Variants in LRRFIP1 observed in about 807,000 individuals in gnomAD.
LRRFIP1 encodes leucine-rich repeat flightless-interacting protein 1.
In LRRFIP1, 62 loss-of-function variants were observed where a neutral mutation model predicts 104.4. The observed-to-expected ratio is 0.59, with a 90% confidence interval of 0.48 to 0.73. The LOEUF is 0.73. Ranked by LOEUF, LRRFIP1 falls within the 30% of genes least tolerant of loss-of-function variation. The pLI, the probability that LRRFIP1 is intolerant of heterozygous loss-of-function variation, is 0.00. For synonymous variants in LRRFIP1, 300 were observed against 299.0 expected (o/e 1.00, Z -0.03); for missense variants, 796 against 824.5 (o/e 0.97, Z 0.42).
chr2:237,729,541 C>A (rs1020880943), intron 8 of LRRFIP1, among the ~76,000 whole-genome samples: 6 of 152,190 alleles, frequency 3.9e-5, no homozygotes, highest in African/African-American at 1.2e-4. Flanking sequence ...ACTAGATACA[C>A]CCCTGGCATC....
chr2:237,698,499 T>C (rs896591974), intron 1 of LRRFIP1, among the ~76,000 whole-genome samples: 2 of 152,260 alleles, frequency 1.3e-5, no homozygotes, highest in African/African-American at 4.8e-5. Context: ...CTTGGACTTG[T>C]CTGCCAGGTC....
At chr2:237,693,757 C>T (rs984071099) in intron 1 of LRRFIP1, among the ~76,000 whole-genome samples, 1 of 152,094 alleles carries the variant, frequency 6.6e-6, no homozygotes, top group African/African-American at 2.4e-5. Context: ...ACTTAGAGTC[C>T]TTGGAGAAGG....
chr2:237,667,459 A>G (rs1321873830), intron 1 of LRRFIP1, among the ~76,000 whole-genome samples: 1 of 152,158 alleles, frequency 6.6e-6, no homozygotes, highest in Admixed American at 6.5e-5. Context: ...TCTATCATTG[A>G]TGGGCATTTG....
intron 11 of LRRFIP1, among the ~76,000 whole-genome samples, chr2:237,742,225 T>C (rs1217346775): frequency 6.6e-6 from 1 of 152,250 alleles, no homozygotes; most frequent in African/African-American, 2.4e-5. Context: ...TCCTGGGACC[T>C]GATGGGGGTG....
intron 1 of LRRFIP1, among the ~76,000 whole-genome samples, chr2:237,640,929 G>A (rs1195923235): frequency 6.6e-6 from 1 of 152,162 alleles, no homozygotes; most frequent in Non-Finnish European, 1.5e-5. Flanking sequence ...GCTGGGATGG[G>A]ACAGGAAGGG....
intron 1 of LRRFIP1, among the ~76,000 whole-genome samples, chr2:237,693,865 C>T (rs1575540625): frequency 1.3e-5 from 2 of 152,172 alleles, no homozygotes; most frequent in African/African-American, 4.8e-5. Flanking sequence ...GCACTGGCTA[C>T]AGGGTCTATT....
At chr2:237,771,688 C>G (rs537312844) in intron 20 of LRRFIP1, among the ~76,000 whole-genome samples, 1 of 151,978 alleles carries the variant, frequency 6.6e-6, no homozygotes, top group Non-Finnish European at 1.5e-5. Context: ...CTGGCCTGGA[C>G]GCTGAGAAAG....
chr2:237,773,264 G>A (rs117366054), intron 22 of LRRFIP1, among the ~76,000 whole-genome samples: 3,663 of 152,276 alleles, frequency 0.024, 111 homozygotes, highest in East Asian at 0.082. Flanking sequence ...TTGGCCGAGC[G>A]CAGTGGCTCA....
chr2:237,668,718 G>C (rs2089902817), intron 1 of LRRFIP1, among the ~76,000 whole-genome samples: 1 of 152,182 alleles, frequency 6.6e-6, no homozygotes, highest in Non-Finnish European at 1.5e-5. Context: ...CATTTTTCCT[G>C]AGGTTTAGCT....
At chr2:237,765,818 C>A in intron 19 of LRRFIP1, 16 of 966,782 alleles carry the variant, frequency 1.7e-5, no homozygotes, top group Non-Finnish European at 1.8e-5. Context: ...ATTACTGTTA[C>A]AAGATAGAAT....
intron 1 of LRRFIP1, among the ~76,000 whole-genome samples, chr2:237,660,316 G>A (rs1278569713): frequency 1.3e-5 from 2 of 152,128 alleles, no homozygotes; most frequent in African/African-American, 2.4e-5. Context: ...CCCACCCCAC[G>A]CCCCAGCACA....
At chr2:237,650,468 G>A (rs2085745205) in intron 1 of LRRFIP1, among the ~76,000 whole-genome samples, 1 of 148,810 alleles carries the variant, frequency 6.7e-6, no homozygotes, top group South Asian at 2.1e-4. Context: ...TGTGTTAAGA[G>A]GATTCCTCCT....
chr2:237,667,455 A>T (rs2149513121), intron 1 of LRRFIP1, among the ~76,000 whole-genome samples: 1 of 152,278 alleles, frequency 6.6e-6, no homozygotes, highest in South Asian at 2.1e-4. Flanking sequence ...CCAGTCTATC[A>T]TTGATGGGCA....
chr2:237,747,396 C>T (rs774653371), intron 11 of LRRFIP1, among the ~76,000 whole-genome samples: 3 of 152,120 alleles, frequency 2.0e-5, no homozygotes, highest in African/African-American at 4.8e-5. Flanking sequence ...AGCGTGGACT[C>T]GGGCCATAGA....
intron 1 of LRRFIP1, among the ~76,000 whole-genome samples, chr2:237,654,691 C>T (rs2086507256): frequency 1.3e-5 from 2 of 152,206 alleles, no homozygotes; most frequent in South Asian, 2.1e-4. Context: ...GCTGGGATTA[C>T]AGGCACCTGC....
In LRRFIP1 at chr2:237,649,263, C is replaced by T. The variant is rs547950320; in HGVS notation, c.96+21523C>T. Among the ~76,000 whole-genome samples, 3 of 151,926 alleles carry T rather than the reference C, an allele frequency of 2.0e-5. No individual in the cohort carries two copies. Among genetic ancestry groups the T allele is most frequent in the African/African-American group, 7.2e-5 (3 of 41,542 alleles). ...GAACACTGTAGGCCGGGCGCGATGG[C>T]TCACACCTGTAATCCCAGCACTTTG... is the stretch of plus-strand genomic sequence containing the variant. On this transcript the variant is annotated intron_variant, in intron 1 of 23. Coordinates refer to ENST00000308482, the MANE Select transcript of LRRFIP1 (RefSeq NM_001137550.2). This position sits in a 1 kb window ranked among gnomAD's most constrained non-coding sequence, Gnocchi z 4.1.
chr2:237,722,033 C>T (rs1471998659), intron 6 of LRRFIP1: 7 of 152,200 alleles, frequency 4.6e-5, no homozygotes, highest in African/African-American at 7.2e-5. Context: ...GCCCAGACAT[C>T]ACAGCTGTTG....
At chr2:237,650,689 GA>G (rs1280657135) in intron 1 of LRRFIP1, among the ~76,000 whole-genome samples, 1 of 152,244 alleles carries the variant, frequency 6.6e-6, no homozygotes, top group African/African-American at 2.4e-5. Context: ...AATGTTGCCA[GA>G]CCAGAGTGGA....
At chr2:237,688,157 G>A (rs1217098890) in intron 1 of LRRFIP1, among the ~76,000 whole-genome samples, 1 of 152,120 alleles carries the variant, frequency 6.6e-6, no homozygotes, top group African/African-American at 2.4e-5. Flanking sequence ...CACAGGCCTG[G>A]CAACTTTTAA....
Sources: allele counts gnomAD v4.1 joint callset (sites outside exome capture counted in the v4.1 genomes callset), GRCh38; gene constraint gnomAD v4.1.1; non-coding constraint Gnocchi (gnomAD v3.1); transcripts MANE v1.5; gene names NCBI Gene and HGNC (gene_info 2026-07-23, HGNC 2026-07-21).